Variants in MEIKIN observed in about 807,000 individuals in gnomAD.
The protein encoded by MEIKIN is meiosis-specific kinetochore protein.
At chr5:131,834,703 T>C (rs2036909636) in intron 11 of MEIKIN, among the ~76,000 whole-genome samples, 2 of 152,250 alleles carry the variant, frequency 1.3e-5, no homozygotes, top group African/African-American at 4.8e-5. Context: ...TATCCATTAA[T>C]CTGTCAATGG....
At chr5:131,912,180 G>GCTTTCC in intron 7 of MEIKIN, among the ~76,000 whole-genome samples, 1 of 152,052 alleles carries the variant, frequency 6.6e-6, no homozygotes, top group East Asian at 1.9e-4. Flanking sequence ...GTGGCCTTTG[G>GCTTTCC]AAAGCTACTT....
chr5:131,829,418 G>T (rs1355043924), intron 11 of MEIKIN, among the ~76,000 whole-genome samples: 1 of 152,164 alleles, frequency 6.6e-6, no homozygotes, highest in Non-Finnish European at 1.5e-5. Context: ...GAGTTCCCAG[G>T]ATGATGGTAC....
chr5:131,899,789 C>T (rs566997869), intron 8 of MEIKIN, among the ~76,000 whole-genome samples: 174 of 152,180 alleles, frequency 1.1e-3, no homozygotes, highest in African/African-American at 4.1e-3. Flanking sequence ...AATATATATG[C>T]ACCTAACACT....
chr5:131,871,176 G>A (rs925405330), intron 9 of MEIKIN, among the ~76,000 whole-genome samples: 7 of 152,184 alleles, frequency 4.6e-5, no homozygotes, highest in African/African-American at 1.2e-4. Flanking sequence ...GCAGTGCACC[G>A]TGCGCAAGCC....
At chr5:131,856,660 T>C (rs1357907167) in intron 9 of MEIKIN, among the ~76,000 whole-genome samples, 3 of 152,214 alleles carry the variant, frequency 2.0e-5, no homozygotes, top group South Asian at 4.1e-4. Flanking sequence ...CTTTATACTG[T>C]CTGAGTATCT....
At chr5:131,836,694 C>T (rs1359855483) in intron 11 of MEIKIN, among the ~76,000 whole-genome samples, 3 of 149,022 alleles carry the variant, frequency 2.0e-5, no homozygotes, top group Admixed American at 6.7e-5. Context: ...ACATGTATGT[C>T]GTCTTCTTAA....
chr5:131,874,463 G>C (rs1750572317), intron 9 of MEIKIN, among the ~76,000 whole-genome samples: 1 of 152,178 alleles, frequency 6.6e-6, no homozygotes, highest in African/African-American at 2.4e-5. Flanking sequence ...TTGAATCTCT[G>C]AATAGACGAA....
At chr5:131,919,525 G>C (rs535283479) in intron 6 of MEIKIN, among the ~76,000 whole-genome samples, 1 of 152,300 alleles carries the variant, frequency 6.6e-6, no homozygotes, top group African/African-American at 2.4e-5. Context: ...TACATCCACA[G>C]AGTGGAGTAC....
chr5:131,847,591 G>C (rs537968707), intron 11 of MEIKIN, among the ~76,000 whole-genome samples: 34 of 152,134 alleles, frequency 2.2e-4, no homozygotes, highest in Non-Finnish European at 3.7e-4. Flanking sequence ...TATAATAATA[G>C]TTGAAGACTT....
At chr5:131,922,462 GTAATC>G (rs553556220) in intron 5 of MEIKIN, among the ~76,000 whole-genome samples, 1 of 151,518 alleles carries the variant, frequency 6.6e-6, no homozygotes, top group Non-Finnish European at 1.5e-5. Context: ...AGTATTATAA[GTAATC>G]TAAAGATTAT....
intron 11 of MEIKIN, among the ~76,000 whole-genome samples, chr5:131,847,013 G>A (rs1007362662): frequency 2.0e-5 from 3 of 151,992 alleles, no homozygotes; most frequent in African/African-American, 7.3e-5. Flanking sequence ...ACTGCTAAAG[G>A]TAATCCCTCT....
Position 131,852,754 on chromosome 5 carries a change from T to G in MEIKIN, c.856-1371A>C, listed in dbSNP as rs140730705. Among the ~76,000 whole-genome samples the G allele has an allele frequency of 8.6e-3, 1,316 of 152,248 alleles. 6 individuals carry two copies. The highest frequency in any genetic ancestry group is 0.02 in the Middle Eastern group (6 of 294). ...TGATGATAGTTGCACAGTTTTTAAG[T>G]ATGCTAAAAACCACTGAATTATATA... On this transcript the variant is annotated intron_variant, in intron 10 of 12. Coordinates refer to ENST00000442687, the MANE Select transcript of MEIKIN (RefSeq NM_001303622.2).
intron 11 of MEIKIN, among the ~76,000 whole-genome samples, chr5:131,825,352 A>G (rs866207069): frequency 1.3e-4 from 20 of 152,326 alleles, no homozygotes; most frequent in Non-Finnish European, 1.8e-4. Flanking sequence ...TAGGACTCAT[A>G]GGATTCAGAA....
chr5:131,815,819 A>C (rs1290174414), intron 12 of MEIKIN, among the ~76,000 whole-genome samples: 1 of 152,218 alleles, frequency 6.6e-6, no homozygotes, highest in Admixed American at 6.5e-5. Flanking sequence ...ATCAGAAATA[A>C]AGTTTGTGTC....
chr5:131,834,253 G>GT (rs1422968922), intron 11 of MEIKIN, among the ~76,000 whole-genome samples: 4 of 152,096 alleles, frequency 2.6e-5, no homozygotes, highest in Non-Finnish European at 5.9e-5. Context: ...CAAGGTGTAC[G>GT]TGATTTGATA....
chr5:131,885,366 AGAGAG>A lies in MEIKIN; in HGVS notation c.704-6323_704-6319del, dbSNP rs1750769560. ...AAGAGAGAGAGAGAGAGAGAGAGAG[AGAGAG>A]AGAGAGAGAGAGAGAGAGAGAGAGA... On this transcript the variant is annotated intron_variant, in intron 8 of 12. Transcript: ENST00000442687. Among the ~76,000 whole-genome samples, 69 of 69,060 alleles carry A rather than the reference AGAGAG, an allele frequency of 1.0e-3. 6 individuals are homozygous for A. The highest frequency in any genetic ancestry group is 4.4e-3 in the South Asian group (8 of 1,830). The allele number at this position is 69,060 out of a possible 152,430, so 45.3% of individuals were successfully genotyped here. A position where few individuals can be genotyped will look rare whatever the true frequency, so the allele number is the denominator to read the frequency against.
intron 3 of MEIKIN, among the ~76,000 whole-genome samples, chr5:131,942,910 C>T (rs1467526566): frequency 6.6e-6 from 1 of 151,816 alleles, no homozygotes; most frequent in East Asian, 1.9e-4. Context: ...ATGAACATAT[C>T]TTGTAATCAA....
At chr5:131,880,206 C>T (rs922724771) in intron 8 of MEIKIN, among the ~76,000 whole-genome samples, 73 of 152,138 alleles carry the variant, frequency 4.8e-4, no homozygotes, top group African/African-American at 1.7e-3. Context: ...TCTCCTGTCT[C>T]AGCCACCCGA....
intron 11 of MEIKIN, among the ~76,000 whole-genome samples, chr5:131,831,390 CA>C (rs887018895): frequency 6.7e-6 from 1 of 148,978 alleles, no homozygotes; most frequent in Non-Finnish European, 1.5e-5. Flanking sequence ...GTCTCAACAA[CA>C]AAAAAAAAAT....
Sources: gnomAD v4.1 joint callset for allele counts (sites outside exome capture counted in the v4.1 genomes callset) on GRCh38, gnomAD v4.1.1 for gene constraint, MANE v1.5 for transcripts, NCBI Gene and HGNC (gene_info 2026-07-23, HGNC 2026-07-21) for gene names.